Variants in GALNT15 observed in about 807,000 individuals in gnomAD.
The protein encoded by GALNT15 is polypeptide N-acetylgalactosaminyltransferase 15.
Under a neutral mutation model 66.8 loss-of-function variants are expected in GALNT15, and 67 were observed. That is an observed-to-expected ratio of 1.00 (90% CI 0.82 to 1.23). The LOEUF is 1.23. Ranked by LOEUF, GALNT15 falls within the 50% of genes most tolerant of loss-of-function variation. GALNT15 has a pLI of 0.00. For missense variants in GALNT15, 827 were observed against 804.3 expected (o/e 1.03, Z -0.34); for synonymous variants, 313 against 311.5 (o/e 1.00, Z -0.05).
At chr3:16,217,852 A>G (rs1224829772) in intron 6 of GALNT15, among the ~76,000 whole-genome samples, 1 of 152,238 alleles carries the variant, frequency 6.6e-6, no homozygotes, top group Non-Finnish European at 1.5e-5. Context: ...GGTCTCAAAT[A>G]AACACAAAGA....
chr3:16,233,489 A>G (rs772905359), downstream of GALNT15, among the ~76,000 whole-genome samples: 3 of 152,008 alleles, frequency 2.0e-5, no homozygotes, highest in Non-Finnish European at 4.4e-5. Context: ...TCTGTCCACT[A>G]GTTCTGCTTT....
At position 16,184,035 on chromosome 3, in the gene GALNT15, C is replaced by T. The variant is rs1277915108; in HGVS notation, c.539+8345C>T. 1.3e-5 allele frequency among the ~76,000 whole-genome samples: 2 copies of T among 152,186 alleles called. No individual in the cohort carries two copies. Among genetic ancestry groups the T allele is most frequent in the Non-Finnish European group, 2.9e-5 (2 of 68,044 alleles). On this transcript the variant is annotated intron_variant, in intron 1 of 9. Transcript: ENST00000339732. This position sits in a 1 kb window ranked among gnomAD's most constrained non-coding sequence, Gnocchi z 5.0. ...AGATTATCCCTTTCAATCCAGGACACACCCCTGGGCTGGAGAAAGGTATCA... is the reference window on the plus strand; with the variant it reads ...AGATTATCCCTTTCAATCCAGGACATACCCCTGGGCTGGAGAAAGGTATCA...
the GALNT15 span, among the ~76,000 whole-genome samples, chr3:16,242,896 C>A: frequency 2.6e-5 from 4 of 152,090 alleles, no homozygotes; most frequent in African/African-American, 9.7e-5. The surrounding 1 kb of genome is among the most constrained non-coding windows in gnomAD (Gnocchi z 5.6). Flanking sequence ...GCCTTGGATG[C>A]AGGTGATTTA....
Position 16,228,103 on chromosome 3 carries a change from C to T in GALNT15, c.*603C>T. 2.0e-6 allele frequency: 2 copies of T among 986,012 alleles called. No individual in the cohort carries two copies. The highest frequency in any genetic ancestry group is 2.4e-6 in the Non-Finnish European group (2 of 830,084). 61.1% of individuals were successfully genotyped at this position (986,012 alleles called of 1,614,324 possible). On this transcript the variant is annotated 3_prime_UTR_variant, in exon 10 of 10. Coordinates refer to ENST00000339732, the MANE Select transcript of GALNT15 (RefSeq NM_054110.5). ...CTTTGGCCCAATTCTCCAGCTCAAC[C>T]CAGCAGCTGAAAAGCTTCAAGAGAT...
chr3:16,233,998 G>T (rs1039633), downstream of GALNT15, among the ~76,000 whole-genome samples: 44,193 of 152,026 alleles, frequency 0.29, 6,580 homozygotes, highest in East Asian at 0.35. Flanking sequence ...TTTCATAGAG[G>T]CAAGTATAGG....
chr3:16,218,233 C>G (rs888883512), intron 6 of GALNT15, among the ~76,000 whole-genome samples: 2 of 152,174 alleles, frequency 1.3e-5, no homozygotes, highest in Non-Finnish European at 2.9e-5. Flanking sequence ...GAAAGCAGAA[C>G]CAAACCAATC....
Position 16,208,585 on chromosome 3 carries a change from G to A in GALNT15, c.994G>A (p.Val332Met). The A allele has an allele frequency of 6.2e-7, 1 of 1,614,166 alleles. No homozygotes were observed. The highest frequency in any genetic ancestry group is 1.1e-5 in the South Asian group (1 of 91,074). ...YYPSKDLQRG[V>M]LDWKLDFHWE... ...CCCCTCAAAGGACCTGCAGCGTGGG[G>A]TGTTGGACTGGAAGCTGGATTTCCA... Residue 332 changes from valine (V) to methionine (M), a missense_variant, in exon 4 of 10, where the codon GTG becomes ATG. Transcript: ENST00000339732.
chr3:16,219,632 G>A lies in GALNT15; in HGVS notation c.1524+98G>A, dbSNP rs13063387. The A allele has an allele frequency of 0.15, 229,181 of 1,495,610 alleles. 18,572 individuals are homozygous for A. Among genetic ancestry groups the A allele is most frequent in the Admixed American group, 0.24 (12,746 of 52,848 alleles). The allele number at this position is 1,495,610 out of a possible 1,614,324, so 92.6% of individuals were successfully genotyped here. ...TCCATGTCCCTGGTCAACCATTCAC[G>A]GTTTAGCAGGGCCTCAGAGGCCTTG... On this transcript the variant is annotated intron_variant, in intron 7 of 9. Coordinates refer to ENST00000339732, the MANE Select transcript of GALNT15 (RefSeq NM_054110.5). This position sits in a 1 kb window ranked among gnomAD's most constrained non-coding sequence, Gnocchi z 4.3.
chr3:16,237,025 A>T, the GALNT15 span, among the ~76,000 whole-genome samples: 1 of 152,236 alleles, frequency 6.6e-6, no homozygotes, highest in Non-Finnish European at 1.5e-5. This position sits in a 1 kb window ranked among gnomAD's most constrained non-coding sequence, Gnocchi z 4.2. Flanking sequence ...GAAGACATTC[A>T]CAAAGGGCAA....
At position 16,182,349 on chromosome 3, in the gene GALNT15, C is replaced by T. The variant is rs959887475; in HGVS notation, c.539+6659C>T. On this transcript the variant is annotated intron_variant, in intron 1 of 9. Transcript: ENST00000339732. This position sits in a 1 kb window ranked among gnomAD's most constrained non-coding sequence, Gnocchi z 6.1. ...CGTCATGTCAAGGCTCCAAAGCAGACCAAGTAAATGTGATTCACAGGAACT... is the reference window on the plus strand; with the variant it reads ...CGTCATGTCAAGGCTCCAAAGCAGATCAAGTAAATGTGATTCACAGGAACT... 3.3e-5 allele frequency among the ~76,000 whole-genome samples: 5 copies of T among 152,178 alleles called. No homozygotes were observed. Among genetic ancestry groups the T allele is most frequent in the African/African-American group, 1.2e-4 (5 of 41,432 alleles).
chr3:16,207,651 G>C (rs1204966034), intron 3 of GALNT15, among the ~76,000 whole-genome samples: 1 of 152,014 alleles, frequency 6.6e-6, no homozygotes, highest in Middle Eastern at 3.2e-3. Flanking sequence ...ATTGACAGTA[G>C]GGTTACTTCT....
At chr3:16,234,175 A>G (rs2064111915), downstream of GALNT15, among the ~76,000 whole-genome samples, 1 of 152,200 alleles carries the variant, frequency 6.6e-6, no homozygotes, top group Non-Finnish European at 1.5e-5. Context: ...ACTAAGAAAG[A>G]GATACCAAAT....
chr3:16,191,097 C>G lies in GALNT15; in HGVS notation c.540-4663C>G, dbSNP rs531764212. ...GCCTGTTTAGTTTATCCCACTCACA[C>G]TCCCTGCCCATCCATTGGTTCACCA... is the stretch of plus-strand genomic sequence containing the variant. On this transcript the variant is annotated intron_variant, in intron 1 of 9. Coordinates refer to ENST00000339732, the MANE Select transcript of GALNT15 (RefSeq NM_054110.5). This position sits in a 1 kb window ranked among gnomAD's most constrained non-coding sequence, Gnocchi z 5.2. 2.6e-5 allele frequency among the ~76,000 whole-genome samples: 4 copies of G among 152,240 alleles called. No homozygotes were observed. The highest frequency in any genetic ancestry group is 4.4e-5 in the Non-Finnish European group (3 of 68,048).
Position 16,224,472 on chromosome 3 carries a change from A to G in GALNT15, c.1773+1714A>G, listed in dbSNP as rs1166919725. On this transcript the variant is annotated intron_variant, in intron 9 of 9. Coordinates refer to ENST00000339732, the MANE Select transcript of GALNT15 (RefSeq NM_054110.5). This position sits in a 1 kb window ranked among gnomAD's most constrained non-coding sequence, Gnocchi z 5.2. The stretch of plus-strand genomic sequence containing the variant: ...ATCTAAAGTAGTCAAATTAATAGAA[A>G]CAGAAAGTAAAATAGTGGTTACCAG... 1.3e-5 allele frequency among the ~76,000 whole-genome samples: 2 copies of G among 152,198 alleles called. No individual in the cohort carries two copies. Among genetic ancestry groups the G allele is most frequent in the East Asian group, 3.8e-4 (2 of 5,200 alleles).
Position 16,186,767 on chromosome 3 carries a change from C to A in GALNT15, c.540-8993C>A, listed in dbSNP as rs1202642673. On this transcript the variant is annotated intron_variant, in intron 1 of 9. Transcript: ENST00000339732. The surrounding 1 kb of genome is among the most constrained non-coding windows in gnomAD (Gnocchi z 5.1). Reference sequence around the variant, plus strand: ...AAGACAGAAAGTAGGTTAGTGGTTGCCACGGGCTGTGGTAGTTGTGGGAGC... The same window carrying A: ...AAGACAGAAAGTAGGTTAGTGGTTGACACGGGCTGTGGTAGTTGTGGGAGC... 6.6e-6 allele frequency among the ~76,000 whole-genome samples: 1 copy of A among 152,126 alleles called. No homozygotes were observed. Among genetic ancestry groups the A allele is most frequent in the East Asian group, 1.9e-4 (1 of 5,194 alleles).
Position 16,180,410 on chromosome 3 carries a change from A to G in GALNT15, c.539+4720A>G, listed in dbSNP as rs1411837883. Among the ~76,000 whole-genome samples the G allele has an allele frequency of 6.6e-6, 1 of 152,244 alleles. No homozygotes were observed. Among genetic ancestry groups the G allele is most frequent in the Non-Finnish European group, 1.5e-5 (1 of 68,046 alleles). ...GCTCCATTTCTATCAAAGGCACTCCAAGGTGGCACCAGCACTGTTGGCCCA... is the reference window on the plus strand; with the variant it reads ...GCTCCATTTCTATCAAAGGCACTCCGAGGTGGCACCAGCACTGTTGGCCCA... On this transcript the variant is annotated intron_variant, in intron 1 of 9. Transcript: ENST00000339732. This position sits in a 1 kb window ranked among gnomAD's most constrained non-coding sequence, Gnocchi z 5.0.
At chr3:16,199,874 G>A (rs1004529244) in intron 2 of GALNT15, among the ~76,000 whole-genome samples, 5 of 152,192 alleles carry the variant, frequency 3.3e-5, no homozygotes, top group African/African-American at 9.7e-5. Flanking sequence ...ATTTCAGTTA[G>A]CACCCACAGC....
chr3:16,191,047 A>G lies in GALNT15; in HGVS notation c.540-4713A>G, dbSNP rs2063572135. On this transcript the variant is annotated intron_variant, in intron 1 of 9. Coordinates refer to ENST00000339732, the MANE Select transcript of GALNT15 (RefSeq NM_054110.5). This position sits in a 1 kb window ranked among gnomAD's most constrained non-coding sequence, Gnocchi z 5.2. ...GCCTTGTAATGGCTTTCAAGAACCC[A>G]TTTGGCCTTTCACATCTCTTAGCAG... Among the ~76,000 whole-genome samples, 1 of 152,150 alleles carries G rather than the reference A, an allele frequency of 6.6e-6. No homozygotes were observed. The highest frequency in any genetic ancestry group is 6.6e-5 in the Admixed American group (1 of 15,266).
intron 3 of GALNT15, among the ~76,000 whole-genome samples, chr3:16,201,637 C>T (rs754194447): frequency 1.3e-5 from 2 of 152,138 alleles, no homozygotes; most frequent in African/African-American, 4.8e-5. Context: ...TAAGGGGTCC[C>T]TAATTTTCTA....
Sources: gnomAD v4.1 joint callset for allele counts (sites outside exome capture counted in the v4.1 genomes callset) on GRCh38, gnomAD v4.1.1 for gene constraint, Gnocchi (gnomAD v3.1) non-coding constraint, MANE v1.5 for transcripts, NCBI Gene and HGNC (gene_info 2026-07-23, HGNC 2026-07-21) for gene names.